The following SLC35F1 variants were observed in gnomAD, a reference collection of about 807,000 sequenced individuals.
SLC35F1 encodes solute carrier family 35 member F1.
SLC35F1 carries 14 observed loss-of-function variants against 48.7 expected under a neutral mutation model. The observed-to-expected ratio is 0.29, with a 90% CI of 0.19 to 0.45. SLC35F1 has a LOEUF of 0.45. SLC35F1 is among the 20% of genes least tolerant of loss of function. SLC35F1 has a pLI of 1.00. For missense variants in SLC35F1, 404 were observed against 500.0 expected, an observed-to-expected ratio of 0.81 and a Z score of 1.83; for synonymous variants, 190 against 202.2, an observed-to-expected ratio of 0.94 and a Z score of 0.51.
intron 2 of SLC35F1, among the ~76,000 whole-genome samples, chr6:118,211,144 A>G (rs141703273): frequency 1.3e-5 from 2 of 152,162 alleles, no homozygotes; most frequent in African/African-American, 4.8e-5. Context: ...CAACCCTTGG[A>G]TCTTGGAATT....
At chr6:117,985,931 G>A (rs1161509225) in intron 1 of SLC35F1, among the ~76,000 whole-genome samples, 1 of 152,170 alleles carries the variant, frequency 6.6e-6, no homozygotes, top group East Asian at 1.9e-4. Flanking sequence ...GGGATCCAGG[G>A]GTATCTCATG....
intron 2 of SLC35F1, among the ~76,000 whole-genome samples, chr6:118,194,835 C>T (rs192524385): frequency 1.1e-4 from 16 of 152,194 alleles, no homozygotes; most frequent in Admixed American, 5.9e-4. Flanking sequence ...ATGGCCCTAG[C>T]GACCCTGCTT....
At chr6:118,253,781 G>A (rs1775606147) in intron 3 of SLC35F1, among the ~76,000 whole-genome samples, 1 of 152,020 alleles carries the variant, frequency 6.6e-6, no homozygotes, top group South Asian at 2.1e-4. Context: ...AGGCAATTTA[G>A]CCTTGGTGAT....
chr6:118,018,626 A>G (rs940027754), intron 1 of SLC35F1, among the ~76,000 whole-genome samples: 1 of 152,110 alleles, frequency 6.6e-6, no homozygotes, highest in African/African-American at 2.4e-5. Flanking sequence ...TTATGCTTAG[A>G]GGTCTATATA....
chr6:117,953,454 C>G (rs1776388454), intron 1 of SLC35F1, among the ~76,000 whole-genome samples: 1 of 152,080 alleles, frequency 6.6e-6, no homozygotes, highest in Admixed American at 6.5e-5. Flanking sequence ...TTGTATAACT[C>G]TTCCATAGTT....
At chr6:118,045,579 T>C (rs1772287602) in intron 1 of SLC35F1, among the ~76,000 whole-genome samples, 1 of 152,194 alleles carries the variant, frequency 6.6e-6, no homozygotes, top group Non-Finnish European at 1.5e-5. Flanking sequence ...CACATGCACA[T>C]AAAAGCCCTC....
intron 2 of SLC35F1, among the ~76,000 whole-genome samples, chr6:118,167,110 A>G (rs1287490301): frequency 6.6e-6 from 1 of 152,058 alleles, no homozygotes; most frequent in African/African-American, 2.4e-5. Context: ...TCTGTCAGTC[A>G]CTGTGCTACG....
chr6:118,265,324 T>C (rs3904613), intron 3 of SLC35F1, among the ~76,000 whole-genome samples: 11,042 of 152,294 alleles, frequency 0.073, 435 homozygotes, highest in Middle Eastern at 0.14. Flanking sequence ...ATATATTTGT[T>C]CAATAACTCT....
rs561136369 is a variant in SLC35F1 at position 118,290,928 on chromosome 6, G to T, written c.1002+5590G>T. ...TCCTGCCTCAGCCTCCTAAGTAGCT[G>T]GGACTACAGGCACTCGCCACCATGC... On this transcript the variant is annotated intron_variant, in intron 7 of 7. Transcript: ENST00000360388. 3.9e-5 allele frequency among the ~76,000 whole-genome samples: 6 copies of T among 151,978 alleles called. No individual in the cohort carries two copies. The East Asian group carries it at 1.2e-3, about 29-fold the overall frequency.
intron 7 of SLC35F1, among the ~76,000 whole-genome samples, chr6:118,293,157 G>T (rs182301387): frequency 1.5e-3 from 232 of 152,236 alleles, no homozygotes; most frequent in Middle Eastern, 3.4e-3. Context: ...AATTGAAAGG[G>T]TGTTAGTTTC....
chr6:117,992,234 T>C (rs941548981), intron 1 of SLC35F1, among the ~76,000 whole-genome samples: 1 of 152,172 alleles, frequency 6.6e-6, no homozygotes, highest in African/African-American at 2.4e-5. Flanking sequence ...TTACACAAAG[T>C]ATTATTTACT....
At chr6:118,151,385 G>A (rs564520647) in intron 1 of SLC35F1, among the ~76,000 whole-genome samples, 7 of 152,106 alleles carry the variant, frequency 4.6e-5, no homozygotes, top group Non-Finnish European at 1.0e-4. Context: ...AATGCTGCTG[G>A]ATCATTTGGA....
At chr6:117,966,481 A>C (rs552406277) in intron 1 of SLC35F1, among the ~76,000 whole-genome samples, 1 of 152,098 alleles carries the variant, frequency 6.6e-6, no homozygotes, top group Non-Finnish European at 1.5e-5. Flanking sequence ...ATGAACTGTA[A>C]CACTCACTGT....
At chr6:118,290,581 A>G (rs936136978) in intron 7 of SLC35F1, among the ~76,000 whole-genome samples, 2 of 152,184 alleles carry the variant, frequency 1.3e-5, no homozygotes, top group South Asian at 2.1e-4. Flanking sequence ...TATTTGCCTT[A>G]AAGAGTCTCT....
chr6:117,943,267 A>G (rs1167343917), intron 1 of SLC35F1, among the ~76,000 whole-genome samples: 1 of 152,160 alleles, frequency 6.6e-6, no homozygotes, highest in East Asian at 1.9e-4. Flanking sequence ...TCCTGAATCA[A>G]TTTAAGTGTT....
At chr6:118,003,277 G>C (rs146305289) in intron 1 of SLC35F1, among the ~76,000 whole-genome samples, 5 of 152,204 alleles carry the variant, frequency 3.3e-5, no homozygotes, top group Non-Finnish European at 7.3e-5. Context: ...AAGAGGTTAA[G>C]ATAACTCTTC....
At chr6:118,232,048 G>T (rs1261326549) in intron 2 of SLC35F1, among the ~76,000 whole-genome samples, 1 of 152,134 alleles carries the variant, frequency 6.6e-6, no homozygotes, top group Non-Finnish European at 1.5e-5. Flanking sequence ...TGCCTCAATT[G>T]CAATGGGATT....
chr6:118,132,866 G>A (rs967464320), intron 1 of SLC35F1, among the ~76,000 whole-genome samples: 1 of 152,076 alleles, frequency 6.6e-6, no homozygotes, highest in Admixed American at 6.6e-5. Flanking sequence ...GAAGGGGCGG[G>A]GTATATCTGC....
At chr6:117,976,207 T>G (rs1478168726) in intron 1 of SLC35F1, among the ~76,000 whole-genome samples, 1 of 152,214 alleles carries the variant, frequency 6.6e-6, no homozygotes, top group Non-Finnish European at 1.5e-5. Context: ...AAATGTATTT[T>G]AAGGTTTTCA....
Sources: allele counts gnomAD v4.1 joint callset (sites outside exome capture counted in the v4.1 genomes callset), GRCh38; gene constraint gnomAD v4.1.1; transcripts MANE v1.5; gene names NCBI Gene and HGNC (gene_info 2026-07-23, HGNC 2026-07-21).